Variants in NUP93 observed in about 807,000 individuals in gnomAD.
NUP93 encodes nuclear pore complex protein Nup93.
In NUP93, 55 loss-of-function variants were observed where a neutral mutation model predicts 107.8. The observed-to-expected ratio is 0.51, with a 90% CI of 0.41 to 0.64. NUP93 has a LOEUF of 0.64. Among genes scored for constraint, NUP93 ranks in the 30% least tolerant of loss-of-function variants. NUP93 has a pLI of 0.00. For synonymous variants in NUP93, 390 were observed against 397.5 expected (o/e 0.98, Z 0.22); for missense variants, 937 against 1,044.7 (o/e 0.90, Z 1.42).
At chr16:56,802,481 G>A (rs1247166982) in intron 4 of NUP93, among the ~76,000 whole-genome samples, 1 of 152,152 alleles carries the variant, frequency 6.6e-6, no homozygotes, top group Non-Finnish European at 1.5e-5. Context: ...AAAAAAAACA[G>A]TTGGAAGACT....
intron 9 of NUP93, among the ~76,000 whole-genome samples, chr16:56,829,619 C>T (rs1246594010): frequency 6.6e-6 from 1 of 152,196 alleles, no homozygotes; most frequent in Non-Finnish European, 1.5e-5. Flanking sequence ...CGCACTTGCT[C>T]TTAAAGAATA....
rs763159517 is a variant in NUP93 at position 56,837,631 on chromosome 16, G to C, written c.1923G>C (p.Leu641=). Residue 641 remains leucine, a synonymous_variant, in exon 18 of 22, where the codon CTG becomes CTC. Coordinates refer to ENST00000308159, the MANE Select transcript of NUP93 (RefSeq NM_014669.5). ...LAKNADKVLE[L]MNKLLSPVVP... ...AGAATGCTGACAAGGTACTGGAGCT[G>C]ATGAACAAACTGCTGAGCCCTGTCG... 1 of 1,614,106 alleles carries C rather than the reference G, an allele frequency of 6.2e-7. No individual in the cohort carries two copies. The highest frequency in any genetic ancestry group is 8.5e-7 in the Non-Finnish European group (1 of 1,179,966).
intron 5 of NUP93, among the ~76,000 whole-genome samples, chr16:56,818,436 C>G (rs1425464321): frequency 6.6e-6 from 1 of 152,180 alleles, no homozygotes; most frequent in Non-Finnish European, 1.5e-5. Context: ...TGCAGCCCCT[C>G]ACTCTTTTTT....
intron 1 of NUP93, among the ~76,000 whole-genome samples, chr16:56,744,453 A>G (rs1961789640): frequency 6.6e-6 from 1 of 152,206 alleles, no homozygotes; most frequent in African/African-American, 2.4e-5. Flanking sequence ...TATAGATTTA[A>G]TTGCACAATG....
At chr16:56,844,302 C>T (rs185815531) in intron 21 of NUP93, among the ~76,000 whole-genome samples, 197 bp from the exon 22 acceptor site, 160 of 152,150 alleles carry the variant, frequency 1.1e-3, no homozygotes, top group African/African-American at 3.5e-3. Context: ...CCTCGGGGGA[C>T]GAGCTTTGTT....
chr16:56,844,792 T>TC lies in NUP93; in HGVS notation c.*183_*184insC. 7.3e-6 allele frequency: 2 copies of TC among 275,438 alleles called. No homozygotes were observed. The highest frequency in any genetic ancestry group is 1.1e-5 in the Non-Finnish European group (2 of 175,584). The allele number at this position is 275,438 out of a possible 1,614,324, so 17.1% of individuals were successfully genotyped here. The stretch of plus-strand genomic sequence containing the variant: ...TTCTTTTCAACATTCTTTTATTTTC[T>TC]TTTTTTTTTTCTTTGAAATTTTGTT... On this transcript the variant is annotated 3_prime_UTR_variant, in exon 22 of 22. Coordinates refer to ENST00000308159, the MANE Select transcript of NUP93 (RefSeq NM_014669.5).
chr16:56,739,078 AG>A (rs1961659577), intron 1 of NUP93, among the ~76,000 whole-genome samples: 1 of 148,870 alleles, frequency 6.7e-6, no homozygotes, highest in South Asian at 2.1e-4. Context: ...AATTTTTCTT[AG>A]TGCAGAACAA....
intron 5 of NUP93, among the ~76,000 whole-genome samples, chr16:56,807,401 C>CT (rs1963166352): frequency 6.6e-6 from 1 of 152,210 alleles, no homozygotes; most frequent in African/African-American, 2.4e-5. Flanking sequence ...TTGGCACATC[C>CT]TTCTATGTGC....
chr16:56,791,673 C>T (rs1295914429), intron 3 of NUP93, among the ~76,000 whole-genome samples: 1 of 152,196 alleles, frequency 6.6e-6, no homozygotes, highest in Non-Finnish European at 1.5e-5. Context: ...ACTTTGGCTG[C>T]CAGGTCCTTG....
chr16:56,781,158 A>T (rs1376603435), intron 3 of NUP93, among the ~76,000 whole-genome samples: 1 of 152,166 alleles, frequency 6.6e-6, no homozygotes, highest in Non-Finnish European at 1.5e-5. Flanking sequence ...TTTTCCCCTA[A>T]ATGTTGTGCA....
At chr16:56,844,299 G>A (rs1179320341) in intron 21 of NUP93, among the ~76,000 whole-genome samples, 200 bp from the exon 22 acceptor site, 2 of 152,172 alleles carry the variant, frequency 1.3e-5, no homozygotes, top group African/African-American at 4.8e-5. Flanking sequence ...AGGCCTCGGG[G>A]GACGAGCTTT....
At chr16:56,753,265 C>T (rs1287788332) in intron 2 of NUP93, among the ~76,000 whole-genome samples, 1 of 152,104 alleles carries the variant, frequency 6.6e-6, no homozygotes, top group Non-Finnish European at 1.5e-5. Flanking sequence ...ATCAAGACTG[C>T]AAATATTTCA....
intron 5 of NUP93, 98 bp downstream of exon 5, chr16:56,805,730 T>TGC: frequency 8.3e-6 from 11 of 1,331,858 alleles, no homozygotes; most frequent in Non-Finnish European, 1.0e-5. Context: ...TGGATCACTG[T>TGC]CTTCCCCTTG....
intron 1 of NUP93, among the ~76,000 whole-genome samples, chr16:56,745,269 T>C (rs548947775): frequency 6.6e-6 from 1 of 152,092 alleles, no homozygotes; most frequent in African/African-American, 2.4e-5. Context: ...GCCTGATCTG[T>C]TGGGGACCAG....
rs138331476 is a variant in NUP93, at chr16:56,765,163, G to A, written c.297+6508G>A. Among the ~76,000 whole-genome samples, 43 of 152,186 alleles carry A rather than the reference G, an allele frequency of 2.8e-4. No individual in the cohort carries two copies. The East Asian group carries it at 6.4e-3, about 23-fold the overall frequency. On this transcript the variant is annotated intron_variant, in intron 3 of 21. Coordinates refer to ENST00000308159, the MANE Select transcript of NUP93 (RefSeq NM_014669.5). ...CCAAATTGGATGATTTTGAACTGATGGACTGTGGACCCTGAAGGAATAAGA... is the reference window on the plus strand; with the variant it reads ...CCAAATTGGATGATTTTGAACTGATAGACTGTGGACCCTGAAGGAATAAGA...
intron 10 of NUP93, chr16:56,831,607 A>G (rs1963787085): frequency 1.8e-5 from 8 of 451,730 alleles, no homozygotes; most frequent in East Asian, 1.2e-4. Context: ...TCACCTGCCC[A>G]TGAAGGCCTC....
Position 56,766,983 on chromosome 16 carries a change from C to T in NUP93, c.297+8328C>T, listed in dbSNP as rs1962226991. On this transcript the variant is annotated intron_variant, in intron 3 of 21. Transcript: ENST00000308159. ...CAGTGCTCTAAGAACCAGTGTGTATCGCTTTCTTTTAAAGCATCTTTCCAT... is the reference window on the plus strand; with the variant it reads ...CAGTGCTCTAAGAACCAGTGTGTATTGCTTTCTTTTAAAGCATCTTTCCAT... 2.0e-5 allele frequency among the ~76,000 whole-genome samples: 3 copies of T among 152,326 alleles called. No individual in the cohort carries two copies. In the South Asian group the frequency reaches 6.2e-4, roughly 32 times the overall value.
At chr16:56,825,432 T>G (rs1261039278) in intron 8 of NUP93, among the ~76,000 whole-genome samples, 3 of 152,132 alleles carry the variant, frequency 2.0e-5, no homozygotes, top group African/African-American at 7.2e-5. Context: ...CTTGAACTCC[T>G]GACCTCAGGT....
At chr16:56,837,834 C>A in intron 18 of NUP93, 108 bp downstream of exon 18, 1 of 762,160 alleles carries the variant, frequency 1.3e-6, no homozygotes, top group Non-Finnish European at 2.2e-6. Context: ...CAGCAGACAG[C>A]TTTCCAAAGT....
Sources: allele counts gnomAD v4.1 joint callset (sites outside exome capture counted in the v4.1 genomes callset), GRCh38; gene constraint gnomAD v4.1.1; transcripts MANE v1.5; gene names NCBI Gene and HGNC (gene_info 2026-07-23, HGNC 2026-07-21).